The following DSE variants were observed in gnomAD, a reference collection of about 807,000 sequenced individuals.
DSE encodes dermatan-sulfate epimerase.
DSE carries 36 observed loss-of-function variants against 84.4 expected under a neutral mutation model. That is an observed-to-expected ratio of 0.43 (90% CI 0.33 to 0.56). The LOEUF is 0.56. Among genes scored for constraint, DSE ranks in the 20% least tolerant of loss-of-function variants. DSE has a pLI of 0.06. For missense variants in DSE, 862 were observed against 1,169.6 expected, an observed-to-expected ratio of 0.74 and a Z score of 3.84; for synonymous variants, 410 against 430.1, an observed-to-expected ratio of 0.95 and a Z score of 0.58.
chr6:116,405,966 CA>C (rs1276762005), intron 2 of DSE, among the ~76,000 whole-genome samples: 2 of 152,212 alleles, frequency 1.3e-5, no homozygotes, highest in African/African-American at 4.8e-5. Flanking sequence ...CCATCTATTT[CA>C]AATGCAGGTG....
At chr6:116,298,439 A>G (rs939895514) in intron 2 of DSE, among the ~76,000 whole-genome samples, 2 of 152,222 alleles carry the variant, frequency 1.3e-5, no homozygotes, top group African/African-American at 4.8e-5. Flanking sequence ...CAGTGTGTGA[A>G]GAACTCAACC....
Position 116,436,980 on chromosome 6 carries a change from C to T in DSE, c.2512C>T (p.Gln838Ter). ...QIEVNEKKIR[Q>*]KAQILAQKEL... ...TGAAGTCAATGAGAAAAAGATTAGACAGAAAGCTCAGATTTTGGCACAGAA... is the reference window on the plus strand; with the variant it reads ...TGAAGTCAATGAGAAAAAGATTAGATAGAAAGCTCAGATTTTGGCACAGAA... Residue 838 changes from glutamine to a stop codon, truncating the protein, a stop_gained, in exon 6 of 6, where the codon CAG (glutamine) becomes TAG (stop). Transcript: ENST00000644252. LOFTEE classifies it high-confidence loss of function. 1 of 1,613,924 alleles carries T rather than the reference C, an allele frequency of 6.2e-7. No individual in the cohort carries two copies. The highest frequency in any genetic ancestry group is 8.5e-7 in the Non-Finnish European group (1 of 1,179,976).
rs1176590598 is a variant in DSE at position 116,441,974 on chromosome 6, G to A, written c.*4629G>A. 6.6e-6 allele frequency: 1 copy of A among 152,288 alleles called. No homozygotes were observed. Among genetic ancestry groups the A allele is most frequent in the South Asian group, 2.1e-4 (1 of 4,836 alleles). 9.4% of individuals were successfully genotyped at this position (152,288 alleles called of 1,614,324 possible). A position where few individuals can be genotyped will look rare whatever the true frequency, so the allele number is the denominator to read the frequency against. On this transcript the variant is annotated 3_prime_UTR_variant, in exon 6 of 6. Coordinates refer to ENST00000644252, the MANE Select transcript of DSE (RefSeq NM_013352.4). ...CAGTAATAGTGCAGGATGTCAAGTA[G>A]TGGTAAGTACTGTGGAGAATAAAGC...
chr6:116,361,933 C>T (rs1453921986), intron 2 of DSE, among the ~76,000 whole-genome samples: 1 of 152,110 alleles, frequency 6.6e-6, no homozygotes, highest in African/African-American at 2.4e-5. Context: ...TTCTATCATC[C>T]TCCTTCTGAT....
Position 116,303,928 on chromosome 6 carries a change from G to T in DSE, c.-54+44961G>T, listed in dbSNP as rs1005859915. 2.0e-5 allele frequency among the ~76,000 whole-genome samples: 3 copies of T among 152,070 alleles called. No homozygotes were observed. In the East Asian group the frequency reaches 5.8e-4, roughly 29 times the overall value. On this transcript the variant is annotated intron_variant, in intron 2 of 3. Coordinates refer to the DSE transcript ENST00000430252. ...AGGTGGGCAGATCACAAGGTCAGGA[G>T]ATCGAGACCATCCTGGCTAATATGG... is the stretch of plus-strand genomic sequence containing the variant.
At chr6:116,302,466 C>T (rs1208649542) in intron 2 of DSE, among the ~76,000 whole-genome samples, 1 of 152,142 alleles carries the variant, frequency 6.6e-6, no homozygotes, top group Non-Finnish European at 1.5e-5. Context: ...ATCCTTTGCA[C>T]ACTTTTTGAT....
intron 1 of DSE, among the ~76,000 whole-genome samples, chr6:116,396,969 A>G (rs926257037): frequency 1.3e-5 from 2 of 152,280 alleles, no homozygotes; most frequent in African/African-American, 2.4e-5. Context: ...CCATATGCTC[A>G]TAGCTGGAGC....
intron 2 of DSE, among the ~76,000 whole-genome samples, chr6:116,417,718 T>C (rs1782805372): frequency 6.6e-6 from 1 of 152,194 alleles, no homozygotes; most frequent in South Asian, 2.1e-4. Context: ...AAAGTCTTAA[T>C]ATACAATGAG....
At chr6:116,341,051 G>A (rs1183828511) in intron 2 of DSE, among the ~76,000 whole-genome samples, 2 of 152,144 alleles carry the variant, frequency 1.3e-5, no homozygotes, top group Non-Finnish European at 2.9e-5. Flanking sequence ...CTAGATCCTT[G>A]AGGAATCACC....
chr6:116,264,471 A>T (rs1408761857), intron 2 of DSE, among the ~76,000 whole-genome samples: 2 of 152,026 alleles, frequency 1.3e-5, no homozygotes, highest in African/African-American at 4.8e-5. Context: ...TTTGTCTGTC[A>T]GCTCTTGCAT....
chr6:116,373,232 G>A (rs765668791), intron 1 of DSE, among the ~76,000 whole-genome samples: 2 of 152,050 alleles, frequency 1.3e-5, no homozygotes, highest in Non-Finnish European at 2.9e-5. Context: ...GCGTGGTGTC[G>A]CGCGCCTGTA....
intron 2 of DSE, among the ~76,000 whole-genome samples, chr6:116,312,623 A>C (rs1003633412): frequency 1.3e-5 from 2 of 152,230 alleles, no homozygotes; most frequent in Non-Finnish European, 1.5e-5. Flanking sequence ...AGGAACTGGA[A>C]CATCAGTCTG....
Position 116,371,132 on chromosome 6 carries a change from G to C in DSE, c.-54+11G>C, listed in dbSNP as rs992738316. On this transcript the variant is annotated intron_variant, in intron 1 of 5. Transcript: ENST00000644252. ...CCTCGGCTGGGAGCGGTAAGTGGAG[G>C]GGCGCGCAAGGGACGAGCTGGGGCG... 1 of 986,024 alleles carries C rather than the reference G, an allele frequency of 1.0e-6. No homozygotes were observed. Among genetic ancestry groups the C allele is most frequent in the Non-Finnish European group, 1.2e-6 (1 of 830,552 alleles). The allele number at this position is 986,024 out of a possible 1,614,324, so 61.1% of individuals were successfully genotyped here. A position where few individuals can be genotyped will look rare whatever the true frequency, so the allele number is the denominator to read the frequency against.
chr6:116,430,587 G>A (rs1783763129), intron 3 of DSE, among the ~76,000 whole-genome samples: 1 of 151,814 alleles, frequency 6.6e-6, no homozygotes, highest in African/African-American at 2.4e-5. Context: ...TGTCGCCCTG[G>A]CTGGAGTGCA....
chr6:116,373,396 C>G (rs1204145000), intron 1 of DSE, among the ~76,000 whole-genome samples: 1 of 152,154 alleles, frequency 6.6e-6, no homozygotes, highest in Non-Finnish European at 1.5e-5. Context: ...ACTTTGATAA[C>G]AGTACAGGCA....
chr6:116,383,103 T>C (rs1242933426), intron 1 of DSE, among the ~76,000 whole-genome samples: 2 of 152,140 alleles, frequency 1.3e-5, no homozygotes, highest in Non-Finnish European at 2.9e-5. Context: ...AAAGACTCAG[T>C]TGTTTCATAA....
intron 2 of DSE, among the ~76,000 whole-genome samples, chr6:116,272,444 G>C (rs1160911368): frequency 6.6e-6 from 1 of 152,170 alleles, no homozygotes; most frequent in Non-Finnish European, 1.5e-5. Context: ...GACACCTGCT[G>C]TTATGAATTT....
intron 2 of DSE, among the ~76,000 whole-genome samples, chr6:116,420,215 T>G (rs890136721): frequency 1.3e-5 from 2 of 152,242 alleles, no homozygotes; most frequent in African/African-American, 4.8e-5. Flanking sequence ...GTGTTTATTT[T>G]AGCAGTATTT....
At chr6:116,366,474 G>T (rs376814683), upstream of DSE, 1 of 152,140 alleles carries the variant, frequency 6.6e-6, no homozygotes, top group African/African-American at 2.4e-5. Context: ...CTAAGGAAAA[G>T]AATAAACATC....
Sources: allele counts gnomAD v4.1 joint callset (sites outside exome capture counted in the v4.1 genomes callset), GRCh38; gene constraint gnomAD v4.1.1; transcripts MANE v1.5; gene names NCBI Gene and HGNC (gene_info 2026-07-23, HGNC 2026-07-21).